The following SNRNP40 variants were observed in gnomAD, a reference collection of about 807,000 sequenced individuals.
SNRNP40 encodes small nuclear ribonucleoprotein U5 subunit 40, also known as U5 small nuclear ribonucleoprotein 40 kDa protein.
A neutral mutation model predicts 45.8 loss-of-function variants in SNRNP40; 21 were observed. The observed-to-expected ratio is 0.46, with a 90% CI of 0.32 to 0.66. The LOEUF (loss-of-function observed/expected upper bound fraction) is 0.66. Ranked by LOEUF, SNRNP40 falls within the 30% of genes least tolerant of loss-of-function variation. SNRNP40 has a pLI of 0.03. For missense variants in SNRNP40, 344 were observed against 439.1 expected (o/e 0.78, Z 1.94); for synonymous variants, 142 against 163.8 (o/e 0.87, Z 1.01).
At chr1:31,263,179 A>C (rs938876380) in intron 8 of SNRNP40, 1 of 152,182 alleles carries the variant, frequency 6.6e-6, no homozygotes, top group Non-Finnish European at 1.5e-5. Context: ...AAACTTCTAC[A>C]TTTCTCTTCA....
At chr1:31,260,998 A>ACT in intron 9 of SNRNP40, 3 of 1,260,408 alleles carry the variant, frequency 2.4e-6, no homozygotes, top group Non-Finnish European at 3.1e-6. Flanking sequence ...CATTGCTCTT[A>ACT]CTCTCACCAC....
At position 31,296,717 on chromosome 1, in the gene SNRNP40, AACTC is replaced by A; in HGVS notation, c.31_34del (p.Glu11CysfsTer70). The A allele has an allele frequency of 6.2e-7, 1 of 1,613,492 alleles. No homozygotes were observed. Among genetic ancestry groups the A allele is most frequent in the Non-Finnish European group, 8.5e-7 (1 of 1,179,704 alleles). The stretch of plus-strand genomic sequence containing the variant: ...CTGCCGCTTGACTGGAACCAGCGGC[AACTC>A]TGGGCCCTTACGCTTCTGCTGTTCT... On this transcript the variant is annotated frameshift_variant, in exon 1 of 10. Transcript: ENST00000263694. LOFTEE classifies it high-confidence loss of function.
intron 5 of SNRNP40, among the ~76,000 whole-genome samples, chr1:31,272,602 T>A (rs1645946408): frequency 6.6e-6 from 1 of 152,218 alleles, no homozygotes; most frequent in South Asian, 2.1e-4. Flanking sequence ...TAACAATAGC[T>A]ACTTCTTACG....
chr1:31,276,773 C>T (rs1470550689), intron 5 of SNRNP40, among the ~76,000 whole-genome samples: 1 of 152,178 alleles, frequency 6.6e-6, no homozygotes, highest in African/African-American at 2.4e-5. Context: ...TGGCTCACTC[C>T]TGTAATCCCA....
intron 6 of SNRNP40, among the ~76,000 whole-genome samples, chr1:31,269,933 G>A (rs1452786576): frequency 2.6e-5 from 4 of 151,918 alleles, no homozygotes; most frequent in East Asian, 1.9e-4. Context: ...ATGGAGTTTC[G>A]CTCTTGTTGC....
Position 31,271,385 on chromosome 1 carries a change from T to G in SNRNP40, c.769A>C (p.Asn257His), listed in dbSNP as rs187514838. Reference protein sequence around the residue: ...GSYLLSNAMDNTVRVWDVRPF... With the variant: ...GSYLLSNAMDHTVRVWDVRPF... ...ATTTCCTTTCCAAAGTTACCTGTAT[T>G]GTCCATTGCATTGGACAAAAGATAA... The change falls in exon 6 of 10, where the codon AAT becomes CAT. Residue 257 changes from asparagine (N) to histidine (H), a missense_variant. This residue lies in a region of SNRNP40 where 254 missense variants were observed against 380.2 expected (regional missense o/e 0.67). Coordinates refer to ENST00000263694, the MANE Select transcript of SNRNP40 (RefSeq NM_004814.3). 1 of 1,610,998 alleles carries G rather than the reference T, an allele frequency of 6.2e-7. No individual in the cohort carries two copies. Among genetic ancestry groups the G allele is most frequent in the Admixed American group, 1.7e-5 (1 of 59,196 alleles).
intron 4 of SNRNP40, among the ~76,000 whole-genome samples, chr1:31,282,964 C>A (rs925540690): frequency 9.2e-5 from 14 of 152,168 alleles, no homozygotes; most frequent in African/African-American, 3.4e-4. Flanking sequence ...GCATGAGCCA[C>A]CACGCCTGGC....
At position 31,282,700 on chromosome 1, in the gene SNRNP40, G is replaced by A. The variant is rs116804524; in HGVS notation, c.532-1204C>T. Among the ~76,000 whole-genome samples the A allele has an allele frequency of 3.0e-3, 455 of 151,420 alleles. 1 individual carries two copies. Among genetic ancestry groups the A allele is most frequent in the Non-Finnish European group, 6.1e-3 (412 of 67,872 alleles). ...CTATCTATCTATCTATCTAGGGACAGACTCTCCCTCTGTCACCCAGGCCGG... is the reference window on the plus strand; with the variant it reads ...CTATCTATCTATCTATCTAGGGACAAACTCTCCCTCTGTCACCCAGGCCGG... On this transcript the variant is annotated intron_variant, in intron 4 of 9. Transcript: ENST00000263694.
In SNRNP40 at chr1:31,296,631, G is replaced by C. The variant is rs755247461; in HGVS notation, c.121C>G (p.Pro41Ala). Residue 41 changes from proline (P) to alanine (A), a missense_variant, in exon 1 of 10, where the codon CCG becomes GCG. Pro to Ala is a conservative substitution (Grantham distance 27). This residue lies in a region of SNRNP40 where 90 missense variants were observed against 58.9 expected (regional missense o/e 1.53). Transcript: ENST00000263694. ...GPGAGQQQAT[P>A]GALLQAGPPR... ...CTTACCGCTTGCAGCAAGGCTCCCG[G>C]CGTCGCCTGCTGCTGCCCGGCTCCT... 8 of 1,612,298 alleles carry C rather than the reference G, an allele frequency of 5.0e-6. No individual in the cohort carries two copies. In the South Asian group the frequency reaches 8.8e-5, roughly 18 times the overall value.
intron 1 of SNRNP40, among the ~76,000 whole-genome samples, chr1:31,293,938 A>G (rs912246414): frequency 2.0e-5 from 3 of 151,764 alleles, no homozygotes; most frequent in African/African-American, 2.4e-5. Context: ...TACTGGGTGA[A>G]ATAGTTTTGT....
rs542733129 is a variant in SNRNP40 at position 31,296,247 on chromosome 1, C to T, written c.141+364G>A. ...AAACGAGCCAACACAAATCATTTCCCTTTTTTCTTCCCTCCCTCATTCATT... is the reference window on the plus strand; with the variant it reads ...AAACGAGCCAACACAAATCATTTCCTTTTTTTCTTCCCTCCCTCATTCATT... On this transcript the variant is annotated intron_variant, in intron 1 of 9. Coordinates refer to ENST00000263694, the MANE Select transcript of SNRNP40 (RefSeq NM_004814.3). 7.1e-4 allele frequency among the ~76,000 whole-genome samples: 108 copies of T among 152,266 alleles called. 1 individual carries two copies. Among genetic ancestry groups the T allele is most frequent in the African/African-American group, 2.3e-3 (94 of 41,572 alleles).
intron 5 of SNRNP40, among the ~76,000 whole-genome samples, chr1:31,278,806 T>C (rs1317972389): frequency 2.6e-5 from 4 of 152,068 alleles, no homozygotes; most frequent in Admixed American, 6.6e-5. Flanking sequence ...AGAGGGATGA[T>C]GGAGTTGTGG....
Position 31,269,260 on chromosome 1 carries a change from A to C in SNRNP40, c.776-20T>G. On this transcript the variant is annotated intron_variant, in intron 6 of 9. Coordinates refer to ENST00000263694, the MANE Select transcript of SNRNP40 (RefSeq NM_004814.3). Reference sequence around the variant, plus strand: ...CACGAACTGCAAAACAAATCCAAATAAACAAACCAACCAAAACAACTATCG... The same window carrying C: ...CACGAACTGCAAAACAAATCCAAATCAACAAACCAACCAAAACAACTATCG... 6.2e-7 allele frequency: 1 copy of C among 1,612,700 alleles called. No homozygotes were observed. Among genetic ancestry groups the C allele is most frequent in the Non-Finnish European group, 8.5e-7 (1 of 1,179,490 alleles).
intron 4 of SNRNP40, 90 bp downstream of exon 4, chr1:31,289,164 T>C (rs1646084304): frequency 8.2e-7 from 1 of 1,224,724 alleles, no homozygotes; most frequent in Non-Finnish European, 1.1e-6. Flanking sequence ...AATTAAGTTT[T>C]GCACAGGAAG....
chr1:31,261,520 C>T lies in SNRNP40; in HGVS notation c.1024+9G>A. 2 of 1,590,180 alleles carry T rather than the reference C, an allele frequency of 1.3e-6. No homozygotes were observed. Among genetic ancestry groups the T allele is most frequent in the Non-Finnish European group, 1.7e-6 (2 of 1,158,360 alleles). On this transcript the variant is annotated intron_variant, in intron 9 of 9. Transcript: ENST00000263694. ...AGTTTCCCTTTCCCCCTCGTTGGGA[C>T]AGACTTACTGATGGGCTCATCAGGG...
rs112580883 is a variant in SNRNP40, at chr1:31,280,408, C to T, written c.654+966G>A. On this transcript the variant is annotated intron_variant, in intron 5 of 9. Transcript: ENST00000263694. ...CGGTCTCCTGACCTTGTGATCCACC[C>T]GCCTCGGCCTCCCAAAGTGCAGGGA... Among the ~76,000 whole-genome samples, 8 of 152,002 alleles carry T rather than the reference C, an allele frequency of 5.3e-5. No homozygotes were observed. In the East Asian group the frequency reaches 7.8e-4, roughly 15 times the overall value.
intron 3 of SNRNP40, among the ~76,000 whole-genome samples, chr1:31,289,742 T>G (rs779018264): frequency 3.9e-5 from 6 of 152,208 alleles, no homozygotes; most frequent in Non-Finnish European, 5.9e-5. Context: ...AGACACCCTC[T>G]CACTTGGAAA....
intron 4 of SNRNP40, among the ~76,000 whole-genome samples, chr1:31,284,024 G>A (rs1416708436): frequency 1.3e-5 from 2 of 152,122 alleles, no homozygotes; most frequent in Admixed American, 6.5e-5. Context: ...CAGAGTTAGC[G>A]ACCAGCCTGA....
At chr1:31,290,523 G>A (rs1163527829) in intron 3 of SNRNP40, among the ~76,000 whole-genome samples, 9 of 152,040 alleles carry the variant, frequency 5.9e-5, no homozygotes, top group Admixed American at 2.6e-4. Context: ...TTAAAATGAC[G>A]TTTATGACAT....
Sources: gnomAD v4.1 joint callset for allele counts (sites outside exome capture counted in the v4.1 genomes callset) on GRCh38, gnomAD v4.1.1 for gene constraint, gnomAD v4.1.1 regional missense constraint, MANE v1.5 for transcripts, NCBI Gene and HGNC (gene_info 2026-07-23, HGNC 2026-07-21) for gene names.